MCTP2: variants seen among roughly 807,000 people sequenced by gnomAD.
The protein encoded by MCTP2 is multiple C2 and transmembrane domain-containing protein 2.
MCTP2 carries 132 observed loss-of-function variants against 111.6 expected under a neutral mutation model. The ratio of observed to expected loss-of-function variants is 1.18; its 90% CI spans 1.03 to 1.37. The LOEUF (loss-of-function observed/expected upper bound fraction) is 1.37. MCTP2 is among the 40% of genes most tolerant of loss of function. The pLI is 0.00. For missense variants in MCTP2, 1,183 were observed against 1,067.9 expected (o/e 1.11, Z -1.50); for synonymous variants, 395 against 387.7 (o/e 1.02, Z -0.22).
chr15:94,359,884 C>T (rs1042580010), intron 10 of MCTP2, among the ~76,000 whole-genome samples: 9 of 152,122 alleles, frequency 5.9e-5, no homozygotes, highest in Admixed American at 1.3e-4. Flanking sequence ...GAGATAGATG[C>T]GTGAGGAGTT....
At chr15:94,441,688 A>G (rs182059104) in intron 18 of MCTP2, among the ~76,000 whole-genome samples, 1 of 152,194 alleles carries the variant, frequency 6.6e-6, no homozygotes, top group Admixed American at 6.5e-5. Flanking sequence ...TTTTCATTTT[A>G]TGTCTTATGA....
At chr15:94,376,086 T>C (rs934552287) in intron 12 of MCTP2, among the ~76,000 whole-genome samples, 10 of 152,126 alleles carry the variant, frequency 6.6e-5, no homozygotes, top group African/African-American at 2.4e-4. Flanking sequence ...CTGCAGGACA[T>C]GAGGTGTAGG....
At chr15:94,461,738 A>G (rs1478247413) in intron 20 of MCTP2, among the ~76,000 whole-genome samples, 1 of 152,180 alleles carries the variant, frequency 6.6e-6, no homozygotes, top group African/African-American at 2.4e-5. Flanking sequence ...GTGAAAAAAT[A>G]CTAAGCAGAA....
At chr15:94,278,044 A>G (rs2074302939) in intron 1 of MCTP2, 1 of 152,162 alleles carries the variant, frequency 6.6e-6, no homozygotes, top group Admixed American at 6.5e-5. Flanking sequence ...TATAAAAAGT[A>G]TATTCATGGC....
At chr15:94,439,434 T>G (rs2083654775) in intron 17 of MCTP2, among the ~76,000 whole-genome samples, 1 of 152,212 alleles carries the variant, frequency 6.6e-6, no homozygotes, top group Non-Finnish European at 1.5e-5. Context: ...TGAAGTAATT[T>G]ACCCAAAATT....
chr15:94,382,271 T>G (rs565137279), intron 12 of MCTP2, among the ~76,000 whole-genome samples: 13 of 152,390 alleles, frequency 8.5e-5, no homozygotes, highest in African/African-American at 2.4e-4. Flanking sequence ...AGTGATATTT[T>G]TTAGCCCGAT....
chr15:94,470,128 ATTGGTTTGTGACTGTCCTT>A (rs904172351), intron 20 of MCTP2, among the ~76,000 whole-genome samples, 186 bp from the exon 21 acceptor site: 4 of 152,162 alleles, frequency 2.6e-5, no homozygotes, highest in Admixed American at 2.6e-4. Flanking sequence ...TTGAATGGCA[ATTGGTTTGTGACTGTCCTT>A]TTAAGAATGT....
At chr15:94,264,390 C>T (rs1344949122) in intron 1 of MCTP2, among the ~76,000 whole-genome samples, 12 of 151,962 alleles carry the variant, frequency 7.9e-5, no homozygotes, top group East Asian at 7.7e-4. Flanking sequence ...GGGTGGATCA[C>T]GAGGTCAGGA....
chr15:94,310,747 T>A (rs1327847012), intron 2 of MCTP2, among the ~76,000 whole-genome samples: 4 of 150,756 alleles, frequency 2.7e-5, no homozygotes, highest in Non-Finnish European at 4.4e-5. Context: ...TATATCTATT[T>A]AAAAATTTTT....
Position 94,455,256 on chromosome 15 carries a change from T to C in MCTP2, c.2251-2881T>C, listed in dbSNP as rs561533320. Among the ~76,000 whole-genome samples the C allele has an allele frequency of 7.1e-4, 108 of 152,364 alleles. 1 individual carries two copies. The East Asian group carries it at 0.015, about 21-fold the overall frequency. On this transcript the variant is annotated intron_variant, in intron 19 of 22. Coordinates refer to ENST00000357742, the MANE Select transcript of MCTP2 (RefSeq NM_001385001.1). ...TTTTGTTAAATGTTCTAACATATTG[T>C]CTTAAAATGTTTGACAGGAAAAGTT...
rs771045008 is a variant in MCTP2 at position 94,340,237 on chromosome 15, T to C, written c.819T>C (p.Gly273=). Residue 273 remains glycine, a synonymous_variant, in exon 6 of 23, where the codon GGT becomes GGC. Coordinates refer to ENST00000357742, the MANE Select transcript of MCTP2 (RefSeq NM_001385001.1). ...ATTTAACCACATCTGATTTCATGGGTTCTGCATTTGTCATTCTCAGTGATC... is the reference window on the plus strand; with the variant it reads ...ATTTAACCACATCTGATTTCATGGGCTCTGCATTTGTCATTCTCAGTGATC... ...DRDLTTSDFM[G]SAFVILSDLE... is the part of the protein sequence containing the mutation. 2 of 1,613,332 alleles carry C rather than the reference T, an allele frequency of 1.2e-6. No homozygotes were observed. The highest frequency in any genetic ancestry group is 1.7e-6 in the Non-Finnish European group (2 of 1,179,438).
chr15:94,232,492 C>T lies in MCTP2; in HGVS notation c.-66+828C>T, dbSNP rs186632645. 1.6e-3 allele frequency among the ~76,000 whole-genome samples: 247 copies of T among 152,326 alleles called. 2 individuals are homozygous for T. The highest frequency in any genetic ancestry group is 5.8e-3 in the African/African-American group (240 of 41,570). ...CAGGACGCACAGAATTCAGACACCA[C>T]TTATTGAAGGATTTGTATGGATTAT... On this transcript the variant is annotated intron_variant, in intron 1 of 22. Coordinates refer to ENST00000357742, the MANE Select transcript of MCTP2 (RefSeq NM_001385001.1).
chr15:94,455,242 G>A (rs759530891), intron 19 of MCTP2, among the ~76,000 whole-genome samples: 6 of 152,206 alleles, frequency 3.9e-5, no homozygotes, highest in Admixed American at 1.3e-4. Flanking sequence ...TTTGTTAAAT[G>A]TTCTAACATA....
chr15:94,468,647 G>T (rs1053284892), intron 20 of MCTP2, among the ~76,000 whole-genome samples: 1 of 152,062 alleles, frequency 6.6e-6, no homozygotes, highest in African/African-American at 2.4e-5. Flanking sequence ...TCAGTCTTTT[G>T]TTTTTGAGAG....
intron 4 of MCTP2, among the ~76,000 whole-genome samples, chr15:94,319,497 T>C (rs2076531720): frequency 6.6e-6 from 1 of 152,154 alleles, no homozygotes; most frequent in Non-Finnish European, 1.5e-5. Context: ...ATTCAGTGTG[T>C]CTGGGGTGGG....
chr15:94,410,361 A>G (rs1289358939), intron 17 of MCTP2, among the ~76,000 whole-genome samples: 7 of 151,998 alleles, frequency 4.6e-5, no homozygotes, highest in Non-Finnish European at 7.4e-5. Flanking sequence ...CTTAATGTCT[A>G]TTTAACCACC....
At chr15:94,247,101 C>T (rs1312087344) in intron 1 of MCTP2, among the ~76,000 whole-genome samples, 1 of 152,024 alleles carries the variant, frequency 6.6e-6, no homozygotes, top group African/African-American at 2.4e-5. Context: ...ATTTAAAAAC[C>T]TTTGTAGATT....
chr15:94,370,071 C>T lies in MCTP2; in HGVS notation c.1489-16C>T. ...TAAAAAGCTGTTTTCACTTGTATCACCTTTTCAACCCTCAGTGCTTACAGA... is the reference window on the plus strand; with the variant it reads ...TAAAAAGCTGTTTTCACTTGTATCATCTTTTCAACCCTCAGTGCTTACAGA... On this transcript the variant is annotated splice_polypyrimidine_tract_variant and intron_variant, in intron 11 of 22. Transcript: ENST00000357742. 1 of 1,591,734 alleles carries T rather than the reference C, an allele frequency of 6.3e-7. No homozygotes were observed. The highest frequency in any genetic ancestry group is 8.6e-7 in the Non-Finnish European group (1 of 1,167,352).
intron 1 of MCTP2, among the ~76,000 whole-genome samples, chr15:94,245,567 T>TGTATATATACGTATATGTACATATAC (rs1471098703): frequency 2.8e-5 from 4 of 144,396 alleles, no homozygotes; most frequent in Non-Finnish European, 6.0e-5. Context: ...TATACATATA[T>TGTATATATACGTATATGTACATATAC]GTATATATAC....
Sources: gnomAD v4.1 joint callset for allele counts (sites outside exome capture counted in the v4.1 genomes callset) on GRCh38, gnomAD v4.1.1 for gene constraint, MANE v1.5 for transcripts, NCBI Gene and HGNC (gene_info 2026-07-23, HGNC 2026-07-21) for gene names.